The following ANKS1B variants were observed in gnomAD, a reference collection of about 807,000 sequenced individuals.
ANKS1B encodes ankyrin repeat and sterile alpha motif domain containing 1B, also known as ankyrin repeat and sterile alpha motif domain-containing protein 1B.
In ANKS1B, 36 loss-of-function variants were observed where a neutral mutation model predicts 148.3. The ratio of observed to expected loss-of-function variants is 0.24; its 90% CI spans 0.19 to 0.32. The LOEUF (loss-of-function observed/expected upper bound fraction) is 0.32. Among genes scored for constraint, ANKS1B ranks in the 10% least tolerant of loss-of-function variants. The pLI is 1.00. For synonymous variants in ANKS1B, 542 were observed against 560.8 expected (o/e 0.97, Z 0.47); for missense variants, 1,157 against 1,542.6 (o/e 0.75, Z 4.19).
At chr12:99,506,374 C>A (rs1245330865) in intron 9 of ANKS1B, among the ~76,000 whole-genome samples, 1 of 151,858 alleles carries the variant, frequency 6.6e-6, no homozygotes, top group Non-Finnish European at 1.5e-5. Context: ...CAGACAATAC[C>A]AGACCCTCAC....
At chr12:98,775,178 T>C (rs1030277382) in intron 24 of ANKS1B, among the ~76,000 whole-genome samples, 1 of 152,194 alleles carries the variant, frequency 6.6e-6, no homozygotes, top group African/African-American at 2.4e-5. Flanking sequence ...CAACTTTTAC[T>C]AAGTTGGCAT....
intron 12 of ANKS1B, among the ~76,000 whole-genome samples, chr12:99,363,443 T>C (rs182566514): frequency 6.6e-6 from 1 of 152,236 alleles, no homozygotes; most frequent in East Asian, 1.9e-4. Flanking sequence ...TAATACAGCG[T>C]ATAAGTGATA....
intron 12 of ANKS1B, among the ~76,000 whole-genome samples, chr12:99,392,834 A>G (rs908721839): frequency 7.4e-6 from 1 of 134,910 alleles, no homozygotes; most frequent in African/African-American, 2.8e-5. Context: ...GCTTCCTCCC[A>G]CCCTACCCTC....
chr12:99,548,867 G>A (rs1189951241), intron 9 of ANKS1B, among the ~76,000 whole-genome samples: 1 of 151,970 alleles, frequency 6.6e-6, no homozygotes, highest in Non-Finnish European at 1.5e-5. Context: ...AATATTACTG[G>A]GTTCCTGCTA....
At chr12:99,266,161 C>A (rs1039481233) in intron 12 of ANKS1B, among the ~76,000 whole-genome samples, 2 of 152,012 alleles carry the variant, frequency 1.3e-5, no homozygotes, top group African/African-American at 4.8e-5. Context: ...TCATATAATT[C>A]TATAGTGTTT....
chr12:99,527,775 G>C (rs193294389), intron 9 of ANKS1B, among the ~76,000 whole-genome samples: 79 of 151,928 alleles, frequency 5.2e-4, no homozygotes, highest in Middle Eastern at 3.4e-3. Context: ...GTTGGTAGTT[G>C]TGAATGAAAT....
At chr12:98,800,918 T>C in intron 21 of ANKS1B, 79 bp downstream of exon 21, 1 of 1,478,896 alleles carries the variant, frequency 6.8e-7, no homozygotes, top group Middle Eastern at 1.8e-4. Context: ...TTGGTATATT[T>C]TCAATGTAAA....
chr12:99,028,327 A>G (rs2099949977), intron 17 of ANKS1B, among the ~76,000 whole-genome samples: 1 of 152,220 alleles, frequency 6.6e-6, no homozygotes. Flanking sequence ...GTAGCTGATA[A>G]TTCAAGCATT....
chr12:99,855,921 G>T (rs962425930), intron 1 of ANKS1B, among the ~76,000 whole-genome samples: 19 of 152,090 alleles, frequency 1.2e-4, no homozygotes, highest in African/African-American at 4.6e-4. Flanking sequence ...GCAGTGCTAA[G>T]AGGAAAGTTC....
intron 9 of ANKS1B, among the ~76,000 whole-genome samples, chr12:99,625,240 G>C (rs768825202): frequency 3.3e-5 from 5 of 152,054 alleles, no homozygotes; most frequent in Admixed American, 6.6e-5. Flanking sequence ...ACTGGGGAGG[G>C]AAGGAGAGAG....
At chr12:99,317,840 T>A (rs1333767672) in intron 12 of ANKS1B, among the ~76,000 whole-genome samples, 1 of 152,240 alleles carries the variant, frequency 6.6e-6, no homozygotes, top group Non-Finnish European at 1.5e-5. Flanking sequence ...ATATGTTCCA[T>A]CAATACCTAG....
chr12:98,762,144 G>A (rs542641968), intron 25 of ANKS1B, among the ~76,000 whole-genome samples: 6 of 152,152 alleles, frequency 3.9e-5, no homozygotes, highest in Non-Finnish European at 7.4e-5. Context: ...ACCTTGAGAT[G>A]TCTGATTGAA....
chr12:99,087,201 G>A (rs2052200841), intron 15 of ANKS1B, among the ~76,000 whole-genome samples: 1 of 152,166 alleles, frequency 6.6e-6, no homozygotes, highest in Admixed American at 6.5e-5. Context: ...ATCTTTCCCT[G>A]GACAGGGACA....
At chr12:99,853,183 C>G (rs2088280059) in intron 1 of ANKS1B, among the ~76,000 whole-genome samples, 1 of 152,100 alleles carries the variant, frequency 6.6e-6, no homozygotes, top group African/African-American at 2.4e-5. Context: ...TGGCCCCACC[C>G]ACTCCCAGAC....
intron 9 of ANKS1B, among the ~76,000 whole-genome samples, chr12:99,539,571 G>C (rs2097105692): frequency 6.6e-6 from 1 of 152,086 alleles, no homozygotes; most frequent in Non-Finnish European, 1.5e-5. Flanking sequence ...CAGTAATGGA[G>C]GTATAGAGGG....
chr12:99,616,126 A>G (rs2097957030), intron 9 of ANKS1B, among the ~76,000 whole-genome samples: 1 of 152,100 alleles, frequency 6.6e-6, no homozygotes, highest in Admixed American at 6.6e-5. Flanking sequence ...AACCACTGCT[A>G]AAGGAAATCA....
At chr12:98,812,430 G>A (rs533666532) in intron 19 of ANKS1B, among the ~76,000 whole-genome samples, 5 of 152,296 alleles carry the variant, frequency 3.3e-5, no homozygotes, top group African/African-American at 1.2e-4. Flanking sequence ...TATGACGTTT[G>A]CATGACGAAA....
intron 12 of ANKS1B, among the ~76,000 whole-genome samples, chr12:99,355,853 T>C (rs35361767): frequency 0.051 from 7,794 of 152,210 alleles, 286 homozygotes; most frequent in East Asian, 0.16. Flanking sequence ...ATAATTATAG[T>C]TATTGATCTC....
At chr12:99,652,727 A>C (rs2098428937) in intron 9 of ANKS1B, among the ~76,000 whole-genome samples, 1 of 152,206 alleles carries the variant, frequency 6.6e-6, no homozygotes, top group Non-Finnish European at 1.5e-5. Flanking sequence ...TAATACCAAC[A>C]CTGAGTCATG....
Sources: gnomAD v4.1 joint callset for allele counts (sites outside exome capture counted in the v4.1 genomes callset) on GRCh38, gnomAD v4.1.1 for gene constraint, MANE v1.5 for transcripts, NCBI Gene and HGNC (gene_info 2026-07-23, HGNC 2026-07-21) for gene names.